Variants in CSTPP1 observed in about 807,000 individuals in gnomAD.
CSTPP1 encodes the protein centriolar satellite-associated tubulin polyglutamylase complex regulator 1.
At chr11:46,974,119 C>T in the CSTPP1 span, among the ~76,000 whole-genome samples, 2 of 152,180 alleles carry the variant, frequency 1.3e-5, no homozygotes, top group African/African-American at 2.4e-5. Flanking sequence ...GTAGTCCCAG[C>T]TACTCCAGGG....
chr11:46,957,009 T>G, the CSTPP1 span, among the ~76,000 whole-genome samples: 4 of 151,924 alleles, frequency 2.6e-5, no homozygotes, highest in African/African-American at 4.8e-5. Flanking sequence ...TTTGAACATT[T>G]TTTTTCATTT....
At chr11:46,980,081 A>AAAC in the CSTPP1 span, among the ~76,000 whole-genome samples, 51 of 151,846 alleles carry the variant, frequency 3.4e-4, no homozygotes, top group African/African-American at 1.2e-3. Context: ...AACAAACAAA[A>AAAC]AAACAAAAAA....
the CSTPP1 span, among the ~76,000 whole-genome samples, chr11:47,034,946 G>A: frequency 2.3e-4 from 35 of 152,230 alleles, no homozygotes; most frequent in South Asian, 7.3e-3. Context: ...AAATTCTCCA[G>A]CTTTAGACCC....
the CSTPP1 span, among the ~76,000 whole-genome samples, chr11:47,126,979 C>T: frequency 6.6e-6 from 1 of 151,890 alleles, no homozygotes. Context: ...ATAATAATAG[C>T]CAGTTGCAGC....
At chr11:47,129,719 T>C in the CSTPP1 span, among the ~76,000 whole-genome samples, 13 of 152,186 alleles carry the variant, frequency 8.5e-5, no homozygotes, top group African/African-American at 2.7e-4. Flanking sequence ...CAGATTGCCA[T>C]GGTATGTCCT....
the CSTPP1 span, among the ~76,000 whole-genome samples, chr11:47,039,565 G>A: frequency 1.7e-4 from 22 of 127,598 alleles, 5 homozygotes; most frequent in Admixed American, 1.8e-3. Flanking sequence ...TTGGCTGGGC[G>A]CAGTGGCTCA....
chr11:47,094,055 C>A, the CSTPP1 span, among the ~76,000 whole-genome samples: 1 of 151,992 alleles, frequency 6.6e-6, no homozygotes, highest in Non-Finnish European at 1.5e-5. Context: ...AGAATTAGGT[C>A]CAGCCGGTGG....
At chr11:47,023,523 A>G in the CSTPP1 span, 3 of 152,182 alleles carry the variant, frequency 2.0e-5, no homozygotes, top group Non-Finnish European at 4.4e-5. Context: ...TTGTTCTGCA[A>G]CCATCACTGT....
chr11:47,124,101 C>T, the CSTPP1 span, among the ~76,000 whole-genome samples: 1 of 107,462 alleles, frequency 9.3e-6, no homozygotes, highest in African/African-American at 3.4e-5. Context: ...TCAAATAGTT[C>T]TTAATGGTCT....
At chr11:47,161,843 C>T in the CSTPP1 span, 2 of 1,370,626 alleles carry the variant, frequency 1.5e-6, no homozygotes, top group Non-Finnish European at 1.9e-6. Flanking sequence ...CTCCCTGGCC[C>T]TATCAGCCTG....
At chr11:46,996,260 G>A in the CSTPP1 span, among the ~76,000 whole-genome samples, 1 of 151,720 alleles carries the variant, frequency 6.6e-6, no homozygotes, top group African/African-American at 2.4e-5. Flanking sequence ...TTTAACTGGA[G>A]CATTTAGCCC....
chr11:47,151,444 G>A, the CSTPP1 span, among the ~76,000 whole-genome samples: 125 of 151,844 alleles, frequency 8.2e-4, no homozygotes, highest in African/African-American at 2.7e-3. Context: ...AAACTGGGTA[G>A]GAGGTCATGC....
chr11:47,131,881 G>C, the CSTPP1 span, among the ~76,000 whole-genome samples: 2 of 152,200 alleles, frequency 1.3e-5, no homozygotes, highest in Non-Finnish European at 2.9e-5. Flanking sequence ...GGAGGCTGAG[G>C]CAGGAGAATC....
chr11:46,982,535 T>C, the CSTPP1 span, among the ~76,000 whole-genome samples: 1 of 152,164 alleles, frequency 6.6e-6, no homozygotes, highest in Admixed American at 6.5e-5. Context: ...GGACCCCTTA[T>C]CATTTAATTG....
chr11:46,952,483 C>T, the CSTPP1 span, among the ~76,000 whole-genome samples: 2 of 152,188 alleles, frequency 1.3e-5, no homozygotes, highest in Non-Finnish European at 2.9e-5. Flanking sequence ...AAACAAAAAT[C>T]TGTCATACCT....
the CSTPP1 span, among the ~76,000 whole-genome samples, chr11:47,141,328 G>A: frequency 2.0e-5 from 3 of 152,022 alleles, no homozygotes; most frequent in African/African-American, 7.2e-5. Context: ...TTTATCCACT[G>A]GGCATTTCAA....
At chr11:47,036,890 A>T in the CSTPP1 span, among the ~76,000 whole-genome samples, 1 of 126,010 alleles carries the variant, frequency 7.9e-6, no homozygotes, top group Non-Finnish European at 1.9e-5. Context: ...CATGTTGGCC[A>T]GGCTGGTCTC....
chr11:46,979,276 A>G, the CSTPP1 span, among the ~76,000 whole-genome samples: 1 of 152,232 alleles, frequency 6.6e-6, no homozygotes, highest in Non-Finnish European at 1.5e-5. Flanking sequence ...CTATAGCACA[A>G]TTAATTTTCA....
At chr11:46,955,109 T>C in the CSTPP1 span, among the ~76,000 whole-genome samples, 1 of 152,194 alleles carries the variant, frequency 6.6e-6, no homozygotes, top group East Asian at 1.9e-4. Context: ...CTTTGGTTTC[T>C]AGCAGTAAAC....
Sources: allele counts gnomAD v4.1 joint callset (sites outside exome capture counted in the v4.1 genomes callset), GRCh38; gene constraint gnomAD v4.1.1; transcripts MANE v1.5; gene names NCBI Gene and HGNC (gene_info 2026-07-23, HGNC 2026-07-21).